The following TBCD variants were observed in gnomAD, a reference collection of about 807,000 sequenced individuals.
TBCD encodes the protein tubulin-specific chaperone D.
In TBCD, 105 loss-of-function variants were observed where a neutral mutation model predicts 169.3. That is an observed-to-expected ratio of 0.62 (90% CI 0.53 to 0.73). The LOEUF (loss-of-function observed/expected upper bound fraction) is 0.73. TBCD is among the 30% of genes least tolerant of loss of function. TBCD has a pLI of 0.00. For synonymous variants in TBCD, 700 were observed against 643.9 expected (o/e 1.09, Z -1.32); for missense variants, 1,444 against 1,600.1 (o/e 0.90, Z 1.66).
In TBCD at chr17:82,920,368, G is replaced by A. The variant is rs1287170918; in HGVS notation, c.2039-188G>A. On this transcript the variant is annotated intron_variant, in intron 23 of 38. Coordinates refer to ENST00000355528, the MANE Select transcript of TBCD (RefSeq NM_005993.5). The surrounding 1 kb of genome is among the most constrained non-coding windows in gnomAD (Gnocchi z 4.1). ...CTTCAGGCTGCTCAGCGGAGGAGGC[G>A]TCTTGGGCTTCTCATGGTGGTTCTG... 33 of 627,148 alleles carry A rather than the reference G, an allele frequency of 5.3e-5. No homozygotes were observed. Among genetic ancestry groups the A allele is most frequent in the Admixed American group, 2.9e-4 (10 of 34,018 alleles). 38.8% of individuals were successfully genotyped at this position (627,148 alleles called of 1,614,324 possible). A position where few individuals can be genotyped will look rare whatever the true frequency, so the allele number is the denominator to read the frequency against.
rs12940475 is a variant in TBCD, at chr17:82,944,535, G to T, written c.*2072G>T. The stretch of plus-strand genomic sequence containing the variant: ...CATGTTGGGTGTTGACTCCGAGAAG[G>T]TGTTCAGAAAACCTCTCTGAAGGGG... On this transcript the variant is annotated 3_prime_UTR_variant, in exon 39 of 39. Coordinates refer to ENST00000355528, the MANE Select transcript of TBCD (RefSeq NM_005993.5). 26,654 of 152,284 alleles carry T rather than the reference G, an allele frequency of 0.18. 2,706 individuals carry two copies. The highest frequency in any genetic ancestry group is 0.24 in the Admixed American group (3,623 of 15,294). The allele number at this position is 152,284 out of a possible 1,614,324, so 9.4% of individuals were successfully genotyped here. A position where few individuals can be genotyped will look rare whatever the true frequency, so the allele number is the denominator to read the frequency against.
rs148290618 is a variant in TBCD at position 82,930,418 on chromosome 17, G to A, written c.2992-104G>A. On this transcript the variant is annotated intron_variant, in intron 32 of 38. Transcript: ENST00000355528. This position sits in a 1 kb window ranked among gnomAD's most constrained non-coding sequence, Gnocchi z 5.2. ...CCAGACCTTCGCGTCTCTGCAGCTC[G>A]GAGCAGTTCTGCTCTTCAGCAGATG... The A allele has an allele frequency of 1.1e-4, 167 of 1,476,662 alleles. No individual in the cohort carries two copies. Among genetic ancestry groups the A allele is most frequent in the Non-Finnish European group, 1.4e-4 (150 of 1,110,200 alleles). 91.5% of individuals were successfully genotyped at this position (1,476,662 alleles called of 1,614,324 possible).
intron 7 of TBCD, 40 bp downstream of exon 7, chr17:82,781,761 A>C: frequency 6.3e-7 from 1 of 1,595,406 alleles, no homozygotes. Flanking sequence ...TCGCAGGGAA[A>C]TGGCGCCTTA....
At chr17:82,908,554 C>G (rs956715513) in intron 21 of TBCD, 1 of 313,300 alleles carries the variant, frequency 3.2e-6, no homozygotes, top group East Asian at 1.1e-4. Context: ...AGATTCAGCT[C>G]GGATTCTTAT....
chr17:82,803,177 G>C (rs2050700993), intron 9 of TBCD, among the ~76,000 whole-genome samples: 1 of 152,208 alleles, frequency 6.6e-6, no homozygotes, highest in African/African-American at 2.4e-5. Flanking sequence ...CACTCCTCCT[G>C]CCAGCCTTGG....
chr17:82,819,908 AC>A (rs1329114701), intron 13 of TBCD, among the ~76,000 whole-genome samples: 1 of 151,490 alleles, frequency 6.6e-6, no homozygotes, highest in African/African-American at 2.4e-5. Context: ...ATGTTTGTGA[AC>A]CCTTACGGTT....
intron 14 of TBCD, among the ~76,000 whole-genome samples, chr17:82,878,129 G>A (rs8073413): frequency 0.23 from 35,758 of 152,178 alleles, 4,470 homozygotes; most frequent in East Asian, 0.45. Context: ...AGGAAGTGCA[G>A]TGTGGGATAA....
chr17:82,926,569 C>A, intron 28 of TBCD, 78 bp downstream of exon 28: 3 of 1,261,300 alleles, frequency 2.4e-6, no homozygotes, highest in Non-Finnish European at 3.4e-6. Flanking sequence ...GATGTTTTTG[C>A]TCAGAGGCAG....
rs1195781757 is a variant in TBCD, at chr17:82,889,013, G to A, written c.1534-655G>A. ...GCCCGGGTGCTTTTGGGAAGGACGGGGCACCAGCTGGTGACACATGGGAAG... is the reference window on the plus strand; with the variant it reads ...GCCCGGGTGCTTTTGGGAAGGACGGAGCACCAGCTGGTGACACATGGGAAG... On this transcript the variant is annotated intron_variant, in intron 15 of 38. Coordinates refer to ENST00000355528, the MANE Select transcript of TBCD (RefSeq NM_005993.5). The surrounding 1 kb of genome is among the most constrained non-coding windows in gnomAD (Gnocchi z 5.3). Among the ~76,000 whole-genome samples, 1 of 152,198 alleles carries A rather than the reference G, an allele frequency of 6.6e-6. No individual in the cohort carries two copies. Among genetic ancestry groups the A allele is most frequent in the African/African-American group, 2.4e-5 (1 of 41,450 alleles).
At position 82,906,003 on chromosome 17, in the gene TBCD, C is replaced by G; in HGVS notation, c.1872C>G (p.Ala624=). The G allele has an allele frequency of 6.2e-7, 1 of 1,613,040 alleles. No homozygotes were observed. The highest frequency in any genetic ancestry group is 1.1e-5 in the South Asian group (1 of 90,702). ...DLHMRHGSIL[A]CAEVAYALYK... ...ACATGAGGCATGGGTCGATTCTCGC[C>G]TGCGCAGAAGTTGCTTACGCCTTGT... The change falls in exon 20 of 39, where the codon GCC becomes GCG. Residue 624 remains alanine (A), a synonymous_variant. Coordinates refer to ENST00000355528, the MANE Select transcript of TBCD (RefSeq NM_005993.5).
At chr17:82,808,442 TG>T (rs1568167966) in intron 11 of TBCD, among the ~76,000 whole-genome samples, 1 of 18,004 alleles carries the variant, frequency 5.6e-5, no homozygotes, top group African/African-American at 2.1e-4. Context: ...GGTGTTGAGG[TG>T]GGGGGAGGCC....
At position 82,864,720 on chromosome 17, in the gene TBCD, C is replaced by T. The variant is rs180862830; in HGVS notation, c.1319-5504C>T. ...GCTTGGTGCGTGATCCCACCGAGGC[C>T]GGGGTTGTGCTTGGGGCACTGGGGG... On this transcript the variant is annotated intron_variant, in intron 13 of 38. Coordinates refer to ENST00000355528, the MANE Select transcript of TBCD (RefSeq NM_005993.5). The surrounding 1 kb of genome is among the most constrained non-coding windows in gnomAD (Gnocchi z 6.3). Among the ~76,000 whole-genome samples, 307 of 152,188 alleles carry T rather than the reference C, an allele frequency of 2.0e-3. 1 individual carries two copies. Among genetic ancestry groups the T allele is most frequent in the Middle Eastern group, 0.01 (3 of 294 alleles).
chr17:82,795,140 GTAAC>G (rs2050009769), intron 7 of TBCD, among the ~76,000 whole-genome samples: 1 of 152,356 alleles, frequency 6.6e-6, no homozygotes, highest in African/African-American at 2.4e-5. Flanking sequence ...TAGGAATTGA[GTAAC>G]TAAACAACGT....
At chr17:82,857,085 G>T (rs550404833) in intron 13 of TBCD, among the ~76,000 whole-genome samples, 2 of 152,246 alleles carry the variant, frequency 1.3e-5, no homozygotes, top group East Asian at 3.8e-4. Context: ...CCAGCAAGGC[G>T]CAGAGCTTCT....
intron 23 of TBCD, among the ~76,000 whole-genome samples, chr17:82,916,760 A>G (rs1874147953): frequency 6.6e-6 from 1 of 152,114 alleles, no homozygotes; most frequent in Non-Finnish European, 1.5e-5. Context: ...TTCCTAGAAC[A>G]AGTTCCCTTT....
intron 17 of TBCD, among the ~76,000 whole-genome samples, chr17:82,896,223 C>G (rs1715480072): frequency 6.6e-6 from 1 of 152,144 alleles, no homozygotes. Flanking sequence ...TTCCTCTGCT[C>G]CATGCTTCCT....
intron 35 of TBCD, 66 bp from the exon 36 acceptor site, chr17:82,937,983 C>T (rs75943817): frequency 6.3e-6 from 10 of 1,594,364 alleles, no homozygotes; most frequent in East Asian, 4.6e-5. Context: ...CCTTTGGGTC[C>T]GGGGTTTGCT....
intron 13 of TBCD, among the ~76,000 whole-genome samples, chr17:82,850,011 G>A: frequency 7.5e-6 from 1 of 133,470 alleles, no homozygotes; most frequent in South Asian, 2.5e-4. Flanking sequence ...TGCTGCTGTT[G>A]GCTGTGCTGT....
intron 13 of TBCD, among the ~76,000 whole-genome samples, chr17:82,846,269 T>TGCCCCCTCCACGCGCTGC (rs1567878926): frequency 8.4e-6 from 1 of 118,680 alleles, no homozygotes. Context: ...TCCTCTGTGC[T>TGCCCCCTCCACGCGCTGC]GTGTCCTCTT....
Sources: gnomAD v4.1 joint callset for allele counts (sites outside exome capture counted in the v4.1 genomes callset) on GRCh38, gnomAD v4.1.1 for gene constraint, Gnocchi (gnomAD v3.1) non-coding constraint, MANE v1.5 for transcripts, NCBI Gene and HGNC (gene_info 2026-07-23, HGNC 2026-07-21) for gene names.